APBA2: variants seen among roughly 807,000 people sequenced by gnomAD.
The protein encoded by APBA2 is amyloid-beta A4 precursor protein-binding family A member 2.
Under a neutral mutation model 75.0 loss-of-function variants are expected in APBA2, and 30 were observed. The observed-to-expected ratio is 0.40, with a 90% CI of 0.30 to 0.54. The LOEUF (loss-of-function observed/expected upper bound fraction) is 0.54. APBA2 is among the 20% of genes least tolerant of loss of function. APBA2 has a pLI of 0.49. For synonymous variants in APBA2, 444 were observed against 409.6 expected, an observed-to-expected ratio of 1.08 and a Z score of -1.01; for missense variants, 801 against 1,016.1, an observed-to-expected ratio of 0.79 and a Z score of 2.88.
At chr15:28,975,402 A>T (rs530952596) in intron 2 of APBA2, among the ~76,000 whole-genome samples, 1 of 152,342 alleles carries the variant, frequency 6.6e-6, no homozygotes, top group South Asian at 2.1e-4. Flanking sequence ...TAAGTAAAAC[A>T]GTATTAGAGA....
At chr15:29,093,279 G>C in intron 7 of APBA2, 59 bp downstream of exon 7, 1 of 1,602,562 alleles carries the variant, frequency 6.2e-7, no homozygotes, top group Non-Finnish European at 8.5e-7. Context: ...GCACTAGCAG[G>C]AGGGAATATG....
intron 2 of APBA2, among the ~76,000 whole-genome samples, chr15:28,942,171 A>C (rs1234210368): frequency 1.3e-5 from 2 of 152,248 alleles, no homozygotes; most frequent in Admixed American, 1.3e-4. Context: ...TTGAAGGTGC[A>C]AGTGGGCAAT....
intron 1 of APBA2, among the ~76,000 whole-genome samples, chr15:28,891,367 T>C (rs2032118462): frequency 1.3e-5 from 2 of 152,130 alleles, no homozygotes; most frequent in Non-Finnish European, 2.9e-5. Flanking sequence ...TTTCTCCCTG[T>C]CTCCTGCTGG....
intron 4 of APBA2, among the ~76,000 whole-genome samples, chr15:29,072,374 C>A (rs2042662132): frequency 6.6e-6 from 1 of 152,198 alleles, no homozygotes; most frequent in Admixed American, 6.5e-5. Flanking sequence ...GTGTCCTCAA[C>A]AGAGCTCTCT....
At chr15:29,036,550 C>T (rs898225695) in intron 3 of APBA2, among the ~76,000 whole-genome samples, 24 of 152,136 alleles carry the variant, frequency 1.6e-4, no homozygotes, top group African/African-American at 5.1e-4. Context: ...TATGGGGCCT[C>T]CCCACTGGAC....
chr15:29,106,275 G>A (rs913463472), intron 11 of APBA2, among the ~76,000 whole-genome samples: 1 of 152,150 alleles, frequency 6.6e-6, no homozygotes, highest in Non-Finnish European at 1.5e-5. Flanking sequence ...CCAGGACACT[G>A]GAGCCCTGCT....
At chr15:28,964,457 C>T (rs115188978) in intron 2 of APBA2, among the ~76,000 whole-genome samples, 13 of 150,290 alleles carry the variant, frequency 8.6e-5, no homozygotes, top group African/African-American at 2.9e-4. Flanking sequence ...TGTATCTTCA[C>T]GGGTGAAATA....
intron 3 of APBA2, among the ~76,000 whole-genome samples, chr15:29,044,065 G>A (rs1482769825): frequency 1.3e-5 from 2 of 152,156 alleles, no homozygotes; most frequent in African/African-American, 4.8e-5. Flanking sequence ...GAGACCAAAT[G>A]GGGGACAAGA....
intron 6 of APBA2, among the ~76,000 whole-genome samples, chr15:29,082,342 G>C (rs566016936): frequency 5.3e-5 from 8 of 152,152 alleles, no homozygotes; most frequent in Non-Finnish European, 1.2e-4. Flanking sequence ...CATTAACATA[G>C]CCATCACTTC....
intron 4 of APBA2, among the ~76,000 whole-genome samples, chr15:29,063,243 A>C (rs1595872366): frequency 2.1e-4 from 15 of 70,980 alleles, no homozygotes; most frequent in Non-Finnish European, 2.5e-4. Flanking sequence ...ATGGGTAGGG[A>C]GGGAAGTTGA....
intron 9 of APBA2, among the ~76,000 whole-genome samples, chr15:29,101,377 C>T (rs2044114299): frequency 6.6e-6 from 1 of 152,094 alleles, no homozygotes; most frequent in Non-Finnish European, 1.5e-5. Context: ...TTACAGGCAC[C>T]TGCCACCACG....
intron 11 of APBA2, 152 bp from the exon 12 acceptor site, chr15:29,106,455 C>G (rs1404158629): frequency 2.3e-6 from 2 of 886,886 alleles, no homozygotes; most frequent in Admixed American, 4.2e-5. Flanking sequence ...GGCTCCCAGC[C>G]CAAGACCTCT....
chr15:28,958,051 T>C (rs1429910563), intron 2 of APBA2, among the ~76,000 whole-genome samples: 1 of 152,224 alleles, frequency 6.6e-6, no homozygotes, highest in East Asian at 1.9e-4. Context: ...GGCCAGCACT[T>C]GCACTGCCCA....
intron 2 of APBA2, chr15:28,970,172 G>A (rs2036987604): frequency 6.6e-6 from 1 of 152,108 alleles, no homozygotes. Context: ...CAGTGGTTCT[G>A]AAAGGAATAC....
At chr15:28,900,320 G>A (rs1389506631) in intron 1 of APBA2, among the ~76,000 whole-genome samples, 6 of 152,182 alleles carry the variant, frequency 3.9e-5, no homozygotes, top group Non-Finnish European at 4.4e-5. Flanking sequence ...GTGCATCAGC[G>A]TCGTGGTGAC....
chr15:29,011,257 T>C (rs1287511862), intron 3 of APBA2, among the ~76,000 whole-genome samples: 1 of 152,256 alleles, frequency 6.6e-6, no homozygotes, highest in East Asian at 1.9e-4. Context: ...ATTGGGTTGC[T>C]TTTATTCCTT....
At chr15:28,984,426 C>T (rs561003677) in intron 2 of APBA2, among the ~76,000 whole-genome samples, 58 of 152,190 alleles carry the variant, frequency 3.8e-4, no homozygotes, top group Middle Eastern at 3.4e-3. Flanking sequence ...GTCACAGAAC[C>T]TAGGCTTAGC....
Position 28,944,117 on chromosome 15 carries a change from T to C in APBA2, c.-95+22368T>C, listed in dbSNP as rs551026731. 3.6e-3 allele frequency among the ~76,000 whole-genome samples: 546 copies of C among 152,322 alleles called. 17 individuals are homozygous for C. The highest frequency in any genetic ancestry group is 0.02 in the Middle Eastern group (6 of 294). ...CCAAGTGATCTTTTCCAGCAGCACA[T>C]GTGACTGAGTATTGCTGATGGCTGC... On this transcript the variant is annotated intron_variant, in intron 2 of 14. Coordinates refer to ENST00000683413, the MANE Select transcript of APBA2 (RefSeq NM_001353788.2).
chr15:28,919,053 G>A lies in APBA2; in HGVS notation c.-204-2587G>A, dbSNP rs114349083. The stretch of plus-strand genomic sequence containing the variant: ...TTTTTGCGTTTTTTAGTAGAAACGA[G>A]GTTTCACCATGTTAGCAAAGATGGT... On this transcript the variant is annotated intron_variant, in intron 1 of 14. Coordinates refer to ENST00000683413, the MANE Select transcript of APBA2 (RefSeq NM_001353788.2). Among the ~76,000 whole-genome samples, 798 of 152,162 alleles carry A rather than the reference G, an allele frequency of 5.2e-3. 6 individuals carry two copies. Among genetic ancestry groups the A allele is most frequent in the African/African-American group, 0.018 (764 of 41,516 alleles).
Sources: allele counts gnomAD v4.1 joint callset (sites outside exome capture counted in the v4.1 genomes callset), GRCh38; gene constraint gnomAD v4.1.1; transcripts MANE v1.5; gene names NCBI Gene and HGNC (gene_info 2026-07-23, HGNC 2026-07-21).